C16orf96: variants seen among roughly 807,000 people sequenced by gnomAD.
C16orf96 encodes the protein uncharacterized protein C16orf96.
In C16orf96, 108 loss-of-function variants were observed where a neutral mutation model predicts 103.6. The ratio of observed to expected loss-of-function variants is 1.04; its 90% CI spans 0.89 to 1.22. The LOEUF (loss-of-function observed/expected upper bound fraction) is 1.22, where lower values mean the gene tolerates loss of function less well. C16orf96 is among the 50% of genes most tolerant of loss of function. C16orf96 has a pLI of 0.00. For synonymous variants in C16orf96, 566 were observed against 593.5 expected (o/e 0.95, Z 0.67); for missense variants, 1,586 against 1,464.2 (o/e 1.08, Z -1.36).
intron 14 of C16orf96, among the ~76,000 whole-genome samples, chr16:4,595,297 C>T (rs1406056660): frequency 6.6e-6 from 1 of 152,228 alleles, no homozygotes; most frequent in African/African-American, 2.4e-5. Context: ...GCCGAGTCTC[C>T]CTGAAGGGTG....
chr16:4,597,436 C>T (rs998903692), intron 14 of C16orf96, among the ~76,000 whole-genome samples: 4 of 152,208 alleles, frequency 2.6e-5, no homozygotes, highest in African/African-American at 9.7e-5. Context: ...CCTGTCCCCA[C>T]TCATTCACTG....
chr16:4,540,072 A>G, the C16orf96 span, among the ~76,000 whole-genome samples: 12 of 152,220 alleles, frequency 7.9e-5, no homozygotes, highest in South Asian at 1.7e-3. Flanking sequence ...CTCTTTCTCT[A>G]TTGCAGTTCC....
intron 1 of C16orf96, among the ~76,000 whole-genome samples, chr16:4,567,728 C>G (rs1596519058): frequency 1.1e-5 from 1 of 89,098 alleles, no homozygotes; most frequent in Non-Finnish European, 2.0e-5. Flanking sequence ...GAGATGAAGT[C>G]TTCCTCTGTC....
chr16:4,547,297 C>T, the C16orf96 span, among the ~76,000 whole-genome samples: 1 of 152,172 alleles, frequency 6.6e-6, no homozygotes, highest in African/African-American at 2.4e-5. Context: ...CCACCACACC[C>T]AGCTAATTTT....
the C16orf96 span, among the ~76,000 whole-genome samples, chr16:4,547,689 C>CTTCCTTCCTTCCTTCTTTCTTTCTTTCT: frequency 4.4e-4 from 10 of 22,584 alleles, no homozygotes; most frequent in African/African-American, 1.1e-3. Flanking sequence ...TCCTTCCTTC[C>CTTCCTTCCTTCCTTCTTTCTTTCTTTCT]TTCTTTCTTT....
At position 4,600,417 on chromosome 16, in the gene C16orf96, G is replaced by C; in HGVS notation, c.*100G>C. ...CCCACCAAGTCCCCTCCACATCGGA[G>C]GCTGAGGCCTATGTGGCCCCCCACC... On this transcript the variant is annotated 3_prime_UTR_variant, in exon 16 of 16. Transcript: ENST00000444310. The C allele has an allele frequency of 1.2e-6, 1 of 846,288 alleles. No individual in the cohort carries two copies. Among genetic ancestry groups the C allele is most frequent in the Non-Finnish European group, 1.8e-6 (1 of 541,314 alleles). The allele number at this position is 846,288 out of a possible 1,614,324, so 52.4% of individuals were successfully genotyped here.
At chr16:4,567,280 C>CTTTTTTTTTTTTT (rs71139642) in intron 1 of C16orf96, among the ~76,000 whole-genome samples, 1 of 62,606 alleles carries the variant, frequency 1.6e-5, no homozygotes, top group African/African-American at 5.9e-5. Context: ...TATTTCTTTT[C>CTTTTTTTTTTTTT]TTTTTTTTTT....
At chr16:4,546,860 C>T in the C16orf96 span, among the ~76,000 whole-genome samples, 1 of 152,152 alleles carries the variant, frequency 6.6e-6, no homozygotes, top group African/African-American at 2.4e-5. Context: ...ATTATTCATT[C>T]CATAAAAAGG....
At position 4,556,476 on chromosome 16, in the gene C16orf96, C is replaced by A. The variant is rs759281486; in HGVS notation, c.-14C>A. Reference sequence around the variant, plus strand: ...ACACCTGGAACCCCAGCCCCACTGACCCACCCTGGCAGGATGAGCTTCTCA... The same window carrying A: ...ACACCTGGAACCCCAGCCCCACTGAACCACCCTGGCAGGATGAGCTTCTCA... On this transcript the variant is annotated 5_prime_UTR_variant, in exon 1 of 16. Transcript: ENST00000444310. 28 of 1,510,442 alleles carry A rather than the reference C, an allele frequency of 1.9e-5. No homozygotes were observed. Among genetic ancestry groups the A allele is most frequent in the Non-Finnish European group, 2.4e-5 (27 of 1,122,082 alleles). The allele number at this position is 1,510,442 out of a possible 1,614,324, so 93.6% of individuals were successfully genotyped here. A position where few individuals can be genotyped will look rare whatever the true frequency, so the allele number is the denominator to read the frequency against.
At chr16:4,550,483 C>T in the C16orf96 span, among the ~76,000 whole-genome samples, 1 of 152,202 alleles carries the variant, frequency 6.6e-6, no homozygotes, top group East Asian at 1.9e-4. Context: ...TCCTTGGCCC[C>T]CTCTCCAGCA....
chr16:4,542,182 C>A, the C16orf96 span, among the ~76,000 whole-genome samples: 1 of 152,084 alleles, frequency 6.6e-6, no homozygotes, highest in African/African-American at 2.4e-5. Flanking sequence ...AGTGAGTCTC[C>A]CATCTCTACA....
At chr16:4,594,267 G>T (rs368866520) in intron 12 of C16orf96, 84 bp from the exon 13 acceptor site, 2 of 1,447,022 alleles carry the variant, frequency 1.4e-6, no homozygotes, top group Admixed American at 2.4e-5. Context: ...GTCTTCCCTC[G>T]ATGCTGGCCA....
chr16:4,538,604 G>A, the C16orf96 span: 1 of 152,326 alleles, frequency 6.6e-6, no homozygotes, highest in Non-Finnish European at 1.5e-5. Context: ...ACGGTCCGAG[G>A]TCACGCCCCG....
At chr16:4,554,924 C>T (rs995105630), upstream of C16orf96, among the ~76,000 whole-genome samples, 1 of 151,912 alleles carries the variant, frequency 6.6e-6, no homozygotes, top group Non-Finnish European at 1.5e-5. Context: ...CCACCGCGCC[C>T]AGCCGACAAT....
intron 6 of C16orf96, among the ~76,000 whole-genome samples, 185 bp downstream of exon 6, chr16:4,579,210 G>A (rs796208786): frequency 0.027 from 4,066 of 152,058 alleles, 77 homozygotes; most frequent in Non-Finnish European, 0.033. Context: ...GCGGTGGGGG[G>A]GCCCAGCAGG....
chr16:4,565,614 G>A (rs1468268905), intron 1 of C16orf96, among the ~76,000 whole-genome samples: 9 of 152,266 alleles, frequency 5.9e-5, no homozygotes, highest in East Asian at 1.9e-4. Flanking sequence ...TCAGCCTCCC[G>A]AGTAGCTGGG....
Position 4,574,792 on chromosome 16 carries a change from G to T in C16orf96, c.606+3G>T, listed in dbSNP as rs987004143. The T allele has an allele frequency of 2.1e-5, 33 of 1,551,278 alleles. No homozygotes were observed. The East Asian group carries it at 7.8e-4, about 37-fold the overall frequency. On this transcript the variant is annotated splice_donor_region_variant and intron_variant, in intron 3 of 15. Coordinates refer to ENST00000444310, the MANE Select transcript of C16orf96 (RefSeq NM_001145011.2). The stretch of plus-strand genomic sequence containing the variant: ...TGGTTGCACTGCAGCGGGAAGTGGT[G>T]AGGGCCACCATCCCTGTCTTCCCCC...
In C16orf96 at chr16:4,588,476, T is replaced by G. The variant is rs1030825682; in HGVS notation, c.2592+145T>G. On this transcript the variant is annotated intron_variant, in intron 9 of 15. Coordinates refer to ENST00000444310, the MANE Select transcript of C16orf96 (RefSeq NM_001145011.2). ...CTTAGCTGGGTGGCTCAGGGTTTCC[T>G]GTGAAATTGCAGTCAAGATGTCATC... 3.3e-6 allele frequency: 3 copies of G among 913,708 alleles called. No individual in the cohort carries two copies. The African/African-American group carries it at 5.0e-5, about 15-fold the overall frequency. The allele number at this position is 913,708 out of a possible 1,614,324, so 56.6% of individuals were successfully genotyped here.
rs146734619 is a variant in C16orf96, at chr16:4,576,458, G to C, written c.1978G>C (p.Asp660His). ...PSYSAASIGPDPALSQAMVAT... is the reference protein window; with the variant it reads ...PSYSAASIGPHPALSQAMVAT... ...CTACTCTGCTGCCAGCATCGGTCCC[G>C]ATCCAGCCCTGTCCCAGGCCATGGT... is the stretch of plus-strand genomic sequence containing the variant. Residue 660 changes from aspartate to histidine, a missense_variant, in exon 5 of 16, where the codon GAT becomes CAT. Transcript: ENST00000444310. 8 of 1,551,412 alleles carry C rather than the reference G, an allele frequency of 5.2e-6. 1 individual carries two copies. Among genetic ancestry groups the C allele is most frequent in the South Asian group, 2.4e-5 (2 of 84,060 alleles).
Sources: allele counts gnomAD v4.1 joint callset (sites outside exome capture counted in the v4.1 genomes callset), GRCh38; gene constraint gnomAD v4.1.1; transcripts MANE v1.5; gene names NCBI Gene and HGNC (gene_info 2026-07-23, HGNC 2026-07-21).